The following ARID1B variants were observed in gnomAD, a reference collection of about 807,000 sequenced individuals.
ARID1B encodes AT-rich interaction domain 1B, also known as AT-rich interactive domain-containing protein 1B.
Under a neutral mutation model 212.3 loss-of-function variants are expected in ARID1B, and 30 were observed. That is an observed-to-expected ratio of 0.14 (90% CI 0.11 to 0.19). The LOEUF is 0.19. ARID1B is among the 10% of genes least tolerant of loss of function. The pLI, the probability that ARID1B is intolerant of heterozygous loss-of-function variation, is 1.00. For missense variants in ARID1B, 2,891 were observed against 3,204.0 expected (o/e 0.90, Z 2.36); for synonymous variants, 1,402 against 1,301.7 (o/e 1.08, Z -1.66).
intron 4 of ARID1B, among the ~76,000 whole-genome samples, chr6:157,034,238 A>G (rs539379142): frequency 3.3e-5 from 5 of 152,346 alleles, no homozygotes; most frequent in Admixed American, 3.3e-4. Flanking sequence ...TCATTTTCTT[A>G]TGACATTAGG....
At chr6:157,172,891 T>C (rs1791818369) in intron 9 of ARID1B, 1 of 152,062 alleles carries the variant, frequency 6.6e-6, no homozygotes, top group South Asian at 2.1e-4. Flanking sequence ...GAATGGGCCC[T>C]GTTCATCAAA....
intron 4 of ARID1B, among the ~76,000 whole-genome samples, chr6:157,057,055 T>G (rs777478746): frequency 9.9e-5 from 15 of 151,706 alleles, no homozygotes; most frequent in Non-Finnish European, 2.2e-4. Context: ...CAGGCTGGAG[T>G]GCAGTGGCGT....
chr6:157,081,541 A>G (rs1445263795), intron 4 of ARID1B, among the ~76,000 whole-genome samples: 1 of 152,220 alleles, frequency 6.6e-6, no homozygotes, highest in East Asian at 1.9e-4. Flanking sequence ...TGTTACACTG[A>G]GGTCTAGTCA....
chr6:157,103,712 C>T (rs1443055711), intron 5 of ARID1B, among the ~76,000 whole-genome samples: 1 of 151,970 alleles, frequency 6.6e-6, no homozygotes, highest in East Asian at 1.9e-4. Context: ...CCCAAAACTT[C>T]TCCTAGTGTA....
chr6:157,107,696 A>G (rs1440409461), intron 5 of ARID1B: 1 of 152,164 alleles, frequency 6.6e-6, no homozygotes, highest in Non-Finnish European at 1.5e-5. Flanking sequence ...ATTGCTGAGG[A>G]AAGAACACGG....
intron 3 of ARID1B, among the ~76,000 whole-genome samples, chr6:156,905,178 T>C (rs1387737767): frequency 1.3e-5 from 2 of 151,638 alleles, no homozygotes; most frequent in Admixed American, 6.6e-5. Context: ...GTAATATGAG[T>C]TATTAACTCC....
At chr6:156,931,531 G>A (rs531820954) in intron 3 of ARID1B, among the ~76,000 whole-genome samples, 79 of 152,206 alleles carry the variant, frequency 5.2e-4, no homozygotes, top group Non-Finnish European at 9.4e-4. Context: ...CAGCGTCTAC[G>A]ACATTTGTTA....
At chr6:156,892,732 A>G (rs1649670692) in intron 2 of ARID1B, among the ~76,000 whole-genome samples, 1 of 152,166 alleles carries the variant, frequency 6.6e-6, no homozygotes, top group South Asian at 2.1e-4. Context: ...CTGTCACAAT[A>G]AGTTGATTTT....
At chr6:156,932,642 A>G (rs540492281) in intron 3 of ARID1B, among the ~76,000 whole-genome samples, 230 of 152,330 alleles carry the variant, frequency 1.5e-3, no homozygotes, top group African/African-American at 5.4e-3. Context: ...GAAAATAAGT[A>G]TGTACCAAAA....
chr6:156,949,380 C>A (rs1683454559), intron 4 of ARID1B, among the ~76,000 whole-genome samples: 1 of 152,226 alleles, frequency 6.6e-6, no homozygotes, highest in Admixed American at 6.5e-5. Context: ...TTTGCACATA[C>A]ATGAGATCTA....
chr6:156,898,342 C>G (rs1385147194), intron 2 of ARID1B, among the ~76,000 whole-genome samples: 1 of 152,158 alleles, frequency 6.6e-6, no homozygotes, highest in Non-Finnish European at 1.5e-5. Context: ...CCTTTGGGCC[C>G]TCCTTGTGTG....
intron 4 of ARID1B, among the ~76,000 whole-genome samples, chr6:157,078,378 A>G (rs1229515310): frequency 2.0e-5 from 3 of 152,166 alleles, no homozygotes; most frequent in Admixed American, 2.0e-4. Context: ...TATATACCCA[A>G]AAAAAGCTTA....
intron 5 of ARID1B, among the ~76,000 whole-genome samples, chr6:157,107,044 A>C (rs1222742906): frequency 6.6e-6 from 1 of 152,244 alleles, no homozygotes; most frequent in South Asian, 2.1e-4. Context: ...ACAATGGGAA[A>C]ATAGATTGTA....
intron 4 of ARID1B, among the ~76,000 whole-genome samples, chr6:156,954,810 T>A (rs1793842243): frequency 1.3e-5 from 2 of 152,258 alleles, no homozygotes; most frequent in African/African-American, 4.8e-5. Context: ...TAATAGTTAC[T>A]TTAACTATTT....
chr6:157,204,183 A>AGTGT, intron 19 of ARID1B, 187 bp downstream of exon 19: 1 of 712,148 alleles, frequency 1.4e-6, no homozygotes, highest in South Asian at 1.8e-5. Flanking sequence ...TGTAGTCTTT[A>AGTGT]GTGTGTGTAC....
At position 157,206,813 on chromosome 6, in the gene ARID1B, A is replaced by AGT; in HGVS notation, c.6041_6042insGT (p.Asp2014GlufsTer84). 1 of 1,614,110 alleles carries AGT rather than the reference A, an allele frequency of 6.2e-7. No homozygotes were observed. The highest frequency in any genetic ancestry group is 1.7e-5 in the Admixed American group (1 of 60,032). On this transcript the variant is annotated frameshift_variant, in exon 20 of 20. Coordinates refer to ENST00000636930, the MANE Select transcript of ARID1B (RefSeq NM_001374828.1). LOFTEE classifies it high-confidence loss of function. The surrounding 1 kb of genome is among the most constrained non-coding windows in gnomAD (Gnocchi z 6.8). Reference sequence around the variant, plus strand: ...GCTCGGCCAGGGGCATTGCCTGAAGACGCAAACCCTGGGCCCCAGACCGAA... The same window carrying AGT: ...GCTCGGCCAGGGGCATTGCCTGAAGAGTCGCAAACCCTGGGCCCCAGACCGAA...
rs576270778 is a variant in ARID1B at position 157,112,450 on chromosome 6, C to T, written c.2581+1889C>T. On this transcript the variant is annotated intron_variant, in intron 6 of 19. Transcript: ENST00000636930. ...AATTGTCTTGCACTGGGTGCCTACT[C>T]GGGTCAGGCAGAGAACTGAGATGAA... Among the ~76,000 whole-genome samples, 3 of 152,286 alleles carry T rather than the reference C, an allele frequency of 2.0e-5. No individual in the cohort carries two copies. In the South Asian group the frequency reaches 6.2e-4, roughly 32 times the overall value.
intron 9 of ARID1B, chr6:157,169,580 A>G (rs955000100): frequency 6.6e-6 from 1 of 152,252 alleles, no homozygotes; most frequent in African/African-American, 2.4e-5. Context: ...AAAGGTTAGA[A>G]TTATGTATTA....
intron 4 of ARID1B, chr6:156,976,731 ACACT>A: frequency 2.1e-6 from 1 of 465,798 alleles, no homozygotes; most frequent in Non-Finnish European, 4.2e-6. Flanking sequence ...TTAAGCTGTA[ACACT>A]CACCGTGAAG....
Sources: gnomAD v4.1 joint callset for allele counts (sites outside exome capture counted in the v4.1 genomes callset) on GRCh38, gnomAD v4.1.1 for gene constraint, Gnocchi (gnomAD v3.1) non-coding constraint, MANE v1.5 for transcripts, NCBI Gene and HGNC (gene_info 2026-07-23, HGNC 2026-07-21) for gene names.